The following CSNK2A2IP variants were observed in gnomAD, a reference collection of about 807,000 sequenced individuals.
The protein encoded by CSNK2A2IP is casein kinase 2 subunit alpha' interacting protein, also known as casein kinase II subunit alpha'-interacting protein.
the CSNK2A2IP span, among the ~76,000 whole-genome samples, chr3:88,460,899 C>T: frequency 6.6e-6 from 1 of 151,826 alleles, no homozygotes; most frequent in African/African-American, 2.4e-5. Context: ...ACCAACCTGA[C>T]CAACAGGGCG....
chr3:88,462,612 A>G, the CSNK2A2IP span, among the ~76,000 whole-genome samples: 10 of 152,208 alleles, frequency 6.6e-5, no homozygotes, highest in African/African-American at 2.4e-4. Context: ...AAAACAGTGA[A>G]TTAAGATATG....
chr3:88,425,631 T>C, the CSNK2A2IP span, among the ~76,000 whole-genome samples: 1 of 152,176 alleles, frequency 6.6e-6, no homozygotes, highest in Non-Finnish European at 1.5e-5. Context: ...CCAGACATGA[T>C]GAATGTTCTT....
At chr3:88,377,266 TTC>T in the CSNK2A2IP span, among the ~76,000 whole-genome samples, 4 of 151,812 alleles carry the variant, frequency 2.6e-5, no homozygotes, top group African/African-American at 9.7e-5. Flanking sequence ...CTTCCCAAAC[TTC>T]TCCTTCTCAC....
the CSNK2A2IP span, among the ~76,000 whole-genome samples, chr3:88,347,198 G>A: frequency 6.6e-6 from 1 of 151,976 alleles, no homozygotes; most frequent in South Asian, 2.1e-4. Context: ...GTGGTTTCTT[G>A]TCTACTCCTG....
chr3:88,379,772 A>AT, the CSNK2A2IP span, among the ~76,000 whole-genome samples: 3 of 152,052 alleles, frequency 2.0e-5, no homozygotes, highest in South Asian at 6.2e-4. Flanking sequence ...ACAACATTTG[A>AT]TTTTTTGTGT....
the CSNK2A2IP span, among the ~76,000 whole-genome samples, chr3:88,398,226 A>G: frequency 6.6e-6 from 1 of 152,142 alleles, no homozygotes; most frequent in East Asian, 1.9e-4. Context: ...TGGAAGATGA[A>G]TGGCCCATTG....
chr3:88,403,260 T>G, the CSNK2A2IP span, among the ~76,000 whole-genome samples: 1 of 152,026 alleles, frequency 6.6e-6, no homozygotes, highest in Non-Finnish European at 1.5e-5. Context: ...TGCAATATTT[T>G]TATTAGGTTT....
the CSNK2A2IP span, chr3:88,466,568 C>A: frequency 8.1e-7 from 1 of 1,231,568 alleles, no homozygotes; most frequent in Non-Finnish European, 1.0e-6. Flanking sequence ...TCTCCAAAGA[C>A]AGAATCAAAT....
the CSNK2A2IP span, among the ~76,000 whole-genome samples, chr3:88,351,972 A>G: frequency 2.0e-5 from 3 of 152,062 alleles, no homozygotes; most frequent in Non-Finnish European, 4.4e-5. Context: ...TAAAACGTTT[A>G]TTATTTTTGT....
chr3:88,389,442 G>C, the CSNK2A2IP span, among the ~76,000 whole-genome samples: 1 of 152,176 alleles, frequency 6.6e-6, no homozygotes, highest in African/African-American at 2.4e-5. Flanking sequence ...GATGAGAGCA[G>C]AGGAAAATGA....
At chr3:88,381,648 C>T in the CSNK2A2IP span, among the ~76,000 whole-genome samples, 9 of 152,294 alleles carry the variant, frequency 5.9e-5, no homozygotes, top group East Asian at 1.5e-3. Context: ...TGGAGACCCA[C>T]TGTGTCTACC....
At chr3:88,395,087 G>A in the CSNK2A2IP span, among the ~76,000 whole-genome samples, 1 of 152,170 alleles carries the variant, frequency 6.6e-6, no homozygotes, top group Non-Finnish European at 1.5e-5. Context: ...TTGTGTGCAT[G>A]TGTGTTTAAG....
chr3:88,432,441 T>C, the CSNK2A2IP span, among the ~76,000 whole-genome samples: 4 of 151,938 alleles, frequency 2.6e-5, no homozygotes, highest in East Asian at 7.7e-4. Context: ...AAGACTACTT[T>C]TAGTAATATT....
At chr3:88,424,345 G>C in the CSNK2A2IP span, among the ~76,000 whole-genome samples, 1 of 152,130 alleles carries the variant, frequency 6.6e-6, no homozygotes, top group Non-Finnish European at 1.5e-5. Flanking sequence ...ATGAGCTTGA[G>C]TTAAGATCTG....
At chr3:88,465,210 G>T in the CSNK2A2IP span, 2 of 434,912 alleles carry the variant, frequency 4.6e-6, no homozygotes, top group Admixed American at 4.4e-5. Flanking sequence ...TATAATATTT[G>T]AGAATTAACA....
chr3:88,415,019 A>ACC, the CSNK2A2IP span, among the ~76,000 whole-genome samples: 17 of 151,704 alleles, frequency 1.1e-4, no homozygotes, highest in African/African-American at 3.9e-4. Flanking sequence ...TGTAAAAAAA[A>ACC]CCCACACACA....
the CSNK2A2IP span, among the ~76,000 whole-genome samples, chr3:88,388,285 A>C: frequency 6.6e-6 from 1 of 152,224 alleles, no homozygotes; most frequent in Admixed American, 6.5e-5. Context: ...AATACCTGTA[A>C]AAATATATAA....
chr3:88,406,901 G>A, the CSNK2A2IP span, among the ~76,000 whole-genome samples: 1 of 152,166 alleles, frequency 6.6e-6, no homozygotes, highest in African/African-American at 2.4e-5. Flanking sequence ...TGGATATCAC[G>A]GTGTAGCCCC....
chr3:88,339,676 G>C, the CSNK2A2IP span, among the ~76,000 whole-genome samples: 2 of 152,144 alleles, frequency 1.3e-5, no homozygotes, highest in South Asian at 4.1e-4. Context: ...ACTTGGGACA[G>C]GAAAAGAATT....
Sources: gnomAD v4.1 joint callset for allele counts (sites outside exome capture counted in the v4.1 genomes callset) on GRCh38, gnomAD v4.1.1 for gene constraint, MANE v1.5 for transcripts, NCBI Gene and HGNC (gene_info 2026-07-23, HGNC 2026-07-21) for gene names.